MICAL3: variants seen among roughly 807,000 people sequenced by gnomAD.
The protein encoded by MICAL3 is [F-actin]-monooxygenase MICAL3.
In MICAL3, 62 loss-of-function variants were observed where a neutral mutation model predicts 207.4. That is an observed-to-expected ratio of 0.30 (90% CI 0.24 to 0.37). The LOEUF (loss-of-function observed/expected upper bound fraction) is 0.37. Ranked by LOEUF, MICAL3 falls within the 10% of genes least tolerant of loss-of-function variation. The pLI is 1.00. For synonymous variants in MICAL3, 1,077 were observed against 1,069.3 expected (o/e 1.01, Z -0.14); for missense variants, 2,368 against 2,635.6 (o/e 0.90, Z 2.22).
At chr22:17,941,506 A>G (rs1186071170) in intron 1 of MICAL3, among the ~76,000 whole-genome samples, 1 of 152,208 alleles carries the variant, frequency 6.6e-6, no homozygotes, top group African/African-American at 2.4e-5. Flanking sequence ...GGTCCCCTGC[A>G]AAGACGGAAG....
intron 19 of MICAL3, among the ~76,000 whole-genome samples, chr22:17,847,385 C>T (rs1924742261): frequency 6.6e-6 from 1 of 152,228 alleles, no homozygotes. Flanking sequence ...TGATTCCCAT[C>T]CTGTTTCCCA....
At chr22:17,872,073 C>A in intron 16 of MICAL3, 50 bp from the exon 17 acceptor site, 1 of 1,495,520 alleles carries the variant, frequency 6.7e-7, no homozygotes, top group Non-Finnish European at 9.1e-7. Flanking sequence ...GGGAGTGCCA[C>A]ACAGGCCCTC....
intron 21 of MICAL3, among the ~76,000 whole-genome samples, chr22:17,830,255 T>C (rs1400304774): frequency 6.6e-6 from 1 of 152,104 alleles, no homozygotes; most frequent in Non-Finnish European, 1.5e-5. Context: ...AGCCACTGCC[T>C]GCACAGGCAC....
chr22:17,787,775 G>T lies in MICAL3; in HGVS notation c.*2957C>A, dbSNP rs1307755639. 6.6e-6 allele frequency: 1 copy of T among 152,240 alleles called. No homozygotes were observed. The highest frequency in any genetic ancestry group is 2.1e-4 in the South Asian group (1 of 4,836). 9.4% of individuals were successfully genotyped at this position (152,240 alleles called of 1,614,324 possible). A position where few individuals can be genotyped will look rare whatever the true frequency, so the allele number is the denominator to read the frequency against. On this transcript the variant is annotated 3_prime_UTR_variant, in exon 32 of 32. Transcript: ENST00000441493. ...CCACTGAAAAATTTATTTTGAAAGG[G>T]TTAAGAAGAGTCTATCATTGCTGGT...
chr22:17,906,550 T>C lies in MICAL3; in HGVS notation c.263A>G (p.Lys88Arg), dbSNP rs201272560. The C allele has an allele frequency of 1.2e-6, 2 of 1,611,696 alleles. No homozygotes were observed. The highest frequency in any genetic ancestry group is 4.5e-5 in the East Asian group (2 of 44,834). The change falls in exon 2 of 32, where the codon AAG becomes AGG. Residue 88 changes from lysine (K) to arginine (R), a missense_variant and splice_region_variant. By Grantham distance (26) the Lys-to-Arg change is conservative. Around this residue, in one of 4 missense-constraint regions of MICAL3, gnomAD observed 400 missense variants for 547.0 expected, o/e 0.73. Transcript: ENST00000441493. ...GGGCCCAACAGGAGCAAAGCTTACC[T>C]TGGTGTTAGTGCACGCTTTTCCCTT... is the stretch of plus-strand genomic sequence containing the variant. ...YKKGKACTNT[K>R]CLIIGAGPCG...
chr22:17,954,325 A>G (rs183455691), intron 1 of MICAL3, among the ~76,000 whole-genome samples: 3 of 152,310 alleles, frequency 2.0e-5, no homozygotes, highest in Admixed American at 2.0e-4. Context: ...CTGCATGGAC[A>G]AGTGGGAATT....
chr22:17,831,834 A>G lies in MICAL3; in HGVS notation c.3055+20T>C. On this transcript the variant is annotated intron_variant, in intron 21 of 31. Coordinates refer to ENST00000441493, the MANE Select transcript of MICAL3 (RefSeq NM_015241.3). ...CTTTGGGGGGCAGGGCAGAGTTCGG[A>G]GCAGAGATTTTGTTCTGACCTTCAC... 6.5e-7 allele frequency: 1 copy of G among 1,548,160 alleles called. No homozygotes were observed. Among genetic ancestry groups the G allele is most frequent in the Non-Finnish European group, 8.7e-7 (1 of 1,145,560 alleles).
chr22:17,826,360 G>A, intron 22 of MICAL3: 1 of 722,852 alleles, frequency 1.4e-6, no homozygotes, highest in Non-Finnish European at 1.7e-6. Flanking sequence ...GCATGCACTT[G>A]CAACAGGCCC....
intron 1 of MICAL3, among the ~76,000 whole-genome samples, chr22:17,940,836 C>T (rs1456607329): frequency 6.6e-6 from 1 of 152,118 alleles, no homozygotes; most frequent in East Asian, 1.9e-4. Flanking sequence ...AGGCCAGCAT[C>T]AAATAGCTCA....
At chr22:17,961,493 C>G (rs567829963) in intron 1 of MICAL3, among the ~76,000 whole-genome samples, 2 of 152,078 alleles carry the variant, frequency 1.3e-5, no homozygotes, top group Non-Finnish European at 2.9e-5. Flanking sequence ...TCCTTCCCCC[C>G]ACCCTCTCAC....
At position 17,962,323 on chromosome 22, in the gene MICAL3, C is replaced by T. The variant is rs1354316343; in HGVS notation, c.-74-55437G>A. ...ATCTGGGAAGGAACAGAGAGGGCCG[C>T]TCAGGGAGAGGAAGCACAGTGCCAC... On this transcript the variant is annotated intron_variant, in intron 1 of 31. Transcript: ENST00000441493. 3.9e-5 allele frequency among the ~76,000 whole-genome samples: 6 copies of T among 152,228 alleles called. No individual in the cohort carries two copies. The East Asian group carries it at 1.2e-3, about 29-fold the overall frequency.
At chr22:17,867,094 CCCTGAT>C in intron 17 of MICAL3, among the ~76,000 whole-genome samples, 1 of 152,206 alleles carries the variant, frequency 6.6e-6, no homozygotes, top group East Asian at 1.9e-4. Context: ...CTTTCCCTTT[CCCTGAT>C]GATCTGATTA....
At chr22:17,893,355 C>T (rs1212379909) in intron 11 of MICAL3, among the ~76,000 whole-genome samples, 2 of 152,192 alleles carry the variant, frequency 1.3e-5, no homozygotes, top group Admixed American at 1.3e-4. Context: ...GCCTTCAATA[C>T]ATACAAAATC....
At chr22:17,996,672 C>A (rs189255048) in intron 1 of MICAL3, among the ~76,000 whole-genome samples, 1 of 152,124 alleles carries the variant, frequency 6.6e-6, no homozygotes, top group African/African-American at 2.4e-5. Flanking sequence ...GGGATCCGAG[C>A]TGAATTCTAA....
At chr22:17,858,152 G>A (rs760930244) in intron 19 of MICAL3, among the ~76,000 whole-genome samples, 2 of 152,214 alleles carry the variant, frequency 1.3e-5, no homozygotes, top group Admixed American at 6.5e-5. Flanking sequence ...GCAATGAAAC[G>A]TGTTTCTGCG....
chr22:17,795,700 C>A (rs1006867326), intron 29 of MICAL3, among the ~76,000 whole-genome samples: 1 of 152,220 alleles, frequency 6.6e-6, no homozygotes, highest in Admixed American at 6.5e-5. Flanking sequence ...TGTGAGCGGC[C>A]GGCGAGTCCG....
intron 1 of MICAL3, among the ~76,000 whole-genome samples, chr22:17,914,932 G>A (rs987073070): frequency 2.6e-5 from 4 of 152,174 alleles, no homozygotes; most frequent in Non-Finnish European, 5.9e-5. Context: ...GTAGGAGCTT[G>A]GGGAAGGACA....
chr22:17,965,861 A>G (rs1935120901), intron 1 of MICAL3, among the ~76,000 whole-genome samples: 1 of 152,236 alleles, frequency 6.6e-6, no homozygotes, highest in African/African-American at 2.4e-5. Flanking sequence ...GCCAGGAGTC[A>G]AAAATCCAGG....
At chr22:17,865,732 C>T (rs73386322) in intron 18 of MICAL3, among the ~76,000 whole-genome samples, 192 bp downstream of exon 18, 2 of 152,218 alleles carry the variant, frequency 1.3e-5, no homozygotes, top group Non-Finnish European at 2.9e-5. Context: ...TTTACCTTAG[C>T]GAGGCAACCT....
Sources: allele counts gnomAD v4.1 joint callset (sites outside exome capture counted in the v4.1 genomes callset), GRCh38; gene constraint gnomAD v4.1.1; regional missense constraint gnomAD v4.1.1; transcripts MANE v1.5; gene names NCBI Gene and HGNC (gene_info 2026-07-23, HGNC 2026-07-21).